XIST: variants seen among roughly 807,000 people sequenced by gnomAD.
The protein encoded by XIST is X inactive specific transcript (non-protein coding).
exon 1 of XIST, chrX:73,848,917 G>A: frequency 3.6e-6 from 2 of 556,228 alleles, no homozygotes; most frequent in Non-Finnish European, 6.5e-6. Flanking sequence ...CACATAAGTG[G>A]GTCTTCTCTG....
chrX:73,823,939 G>A, exon 6 of XIST: 1 of 554,839 alleles, frequency 1.8e-6, no homozygotes. Flanking sequence ...TCACCATTCA[G>A]TAAGCCAATA....
chrX:73,822,809 C>G, exon 6 of XIST: 1 of 558,079 alleles, frequency 1.8e-6, no homozygotes. Flanking sequence ...CTCTCTTATT[C>G]CCACTCTACA....
At chrX:73,849,236 CA>C in exon 1 of XIST, 1 of 558,683 alleles carries the variant, frequency 1.8e-6, no homozygotes, top group Non-Finnish European at 3.2e-6. Context: ...AGAAGCACAG[CA>C]AAAAGCGCAG....
intron 2 of XIST, chrX:73,833,493 A>G: frequency 7.0e-6 from 3 of 426,855 alleles, no homozygotes; most frequent in South Asian, 9.1e-5. Flanking sequence ...AGACATAGGT[A>G]TCTCCTGTCT....
chrX:73,835,868 T>C (rs1177852780), intron 2 of XIST, among the ~76,000 whole-genome samples: 2 of 112,234 alleles, frequency 1.8e-5, no homozygotes, highest in African/African-American at 6.5e-5. Flanking sequence ...CATAATTTCA[T>C]GTTATTTTAA....
chrX:73,844,227 G>A (rs1305632812), exon 1 of XIST: 1 of 556,467 alleles, frequency 1.8e-6, no homozygotes, highest in Non-Finnish European at 3.2e-6. Context: ...AGGGTGAGAA[G>A]GTAGAACTTT....
chrX:73,823,789 C>T (rs766954850), exon 6 of XIST: 7 of 556,145 alleles, frequency 1.3e-5, no homozygotes, highest in South Asian at 8.9e-5. Flanking sequence ...CCCATGTTTT[C>T]ATCACTGAAT....
At chrX:73,852,321 T>C (rs749614629) in exon 1 of XIST, 2 of 541,310 alleles carry the variant, frequency 3.7e-6, no homozygotes, top group East Asian at 6.6e-5. Context: ...AAAAGGCAGG[T>C]ATCCACGGCC....
At chrX:73,851,476 G>C (rs901122832) in exon 1 of XIST, 7 of 558,782 alleles carry the variant, frequency 1.3e-5, no homozygotes, top group Non-Finnish European at 1.6e-5. Context: ...TGAACACTGC[G>C]ACAGAACTGG....
exon 6 of XIST, chrX:73,827,056 C>T (rs777507155): frequency 2.0e-5 from 11 of 556,634 alleles, no homozygotes; most frequent in East Asian, 3.3e-5. Context: ...TCTTAGTCCT[C>T]GGGTCTCAAG....
At chrX:73,836,565 G>A (rs1003163463) in intron 2 of XIST, among the ~76,000 whole-genome samples, 1 of 111,710 alleles carries the variant, frequency 9.0e-6, no homozygotes, top group Non-Finnish European at 1.9e-5. Flanking sequence ...TATAGATACA[G>A]ATGGTTATAT....
At chrX:73,840,517 C>T (rs1441104605) in intron 1 of XIST, among the ~76,000 whole-genome samples, 2 of 111,385 alleles carry the variant, frequency 1.8e-5, no homozygotes, top group Non-Finnish European at 3.8e-5. Context: ...TTTAGCTTTA[C>T]GAAAGGTGGG....
At chrX:73,833,221 T>C (rs768378020) in intron 3 of XIST, 5 of 553,374 alleles carry the variant, frequency 9.0e-6, no homozygotes, top group Admixed American at 9.0e-5. Context: ...ACTACAACAA[T>C]AAATTCCCCA....
chrX:73,823,246 TG>T (rs1181867635), exon 6 of XIST: 1 of 523,400 alleles, frequency 1.9e-6, no homozygotes, highest in Admixed American at 2.6e-5. Context: ...GGAAGTGATT[TG>T]GGGGATTCCT....
At chrX:73,826,820 C>T (rs1478932663) in exon 6 of XIST, 1 of 558,525 alleles carries the variant, frequency 1.8e-6, no homozygotes, top group East Asian at 3.3e-5. Flanking sequence ...CTTCCAGCTA[C>T]AACCCTGGGC....
At chrX:73,847,840 A>C in exon 1 of XIST, 1 of 559,271 alleles carries the variant, frequency 1.8e-6, no homozygotes, top group Non-Finnish European at 3.2e-6. Flanking sequence ...AGAGACCATG[A>C]ACATTGGAAT....
exon 1 of XIST, chrX:73,847,853 T>C: frequency 1.8e-6 from 1 of 559,292 alleles, no homozygotes; most frequent in Admixed American, 2.2e-5. Flanking sequence ...ATTGGAATTT[T>C]GCACATTCAT....
exon 1 of XIST, chrX:73,850,184 A>G (rs375819539): frequency 2.8e-4 from 154 of 552,781 alleles, no homozygotes; most frequent in Middle Eastern, 9.2e-4. Context: ...TGTGCTACAG[A>G]CTCTTCAAAG....
chrX:73,835,134 G>T (rs997714144), intron 2 of XIST, among the ~76,000 whole-genome samples: 1 of 111,546 alleles, frequency 9.0e-6, no homozygotes, highest in Non-Finnish European at 1.9e-5. Flanking sequence ...CAATTCAAAG[G>T]TCTTTTAACT....
Sources: allele counts gnomAD v4.1 joint callset (sites outside exome capture counted in the v4.1 genomes callset), GRCh38; gene constraint gnomAD v4.1.1; transcripts MANE v1.5; gene names NCBI Gene and HGNC (gene_info 2026-07-23, HGNC 2026-07-21).